HEATR4: variants seen among roughly 807,000 people sequenced by gnomAD.
HEATR4 encodes the protein HEAT repeat containing 4.
A neutral mutation model predicts 108.8 loss-of-function variants in HEATR4; 95 were observed. The ratio of observed to expected loss-of-function variants is 0.87; its 90% CI spans 0.74 to 1.04. The LOEUF (loss-of-function observed/expected upper bound fraction) is 1.04, where lower values mean the gene tolerates loss of function less well. Ranked by LOEUF, HEATR4 falls within the 50% of genes least tolerant of loss-of-function variation. HEATR4 has a pLI of 0.00. For missense variants in HEATR4, 1,152 were observed against 1,253.8 expected (o/e 0.92, Z 1.23); for synonymous variants, 443 against 459.4 (o/e 0.96, Z 0.46).
At chr14:73,571,438 A>C in the HEATR4 span, 2 of 151,724 alleles carry the variant, frequency 1.3e-5, no homozygotes, top group Non-Finnish European at 2.9e-5. Flanking sequence ...GGTGTTTTGC[A>C]TGTGCTTCAT....
At chr14:73,611,497 ACT>A in the HEATR4 span, 1 of 151,206 alleles carries the variant, frequency 6.6e-6, no homozygotes, top group Non-Finnish European at 1.5e-5. Flanking sequence ...CCTTTATAAA[ACT>A]CTCCTCAATT....
At chr14:73,570,990 T>TA in the HEATR4 span, among the ~76,000 whole-genome samples, 20 of 147,354 alleles carry the variant, frequency 1.4e-4, no homozygotes, top group African/African-American at 4.7e-4. Flanking sequence ...TTTTTTTTTT[T>TA]AAATAAGAAT....
the HEATR4 span, among the ~76,000 whole-genome samples, chr14:73,598,017 C>T: frequency 4.8e-3 from 727 of 151,648 alleles, 8 homozygotes; most frequent in African/African-American, 0.016. Flanking sequence ...AGCCACTGCA[C>T]CAGGCTTGTT....
chr14:73,586,410 A>T, the HEATR4 span, among the ~76,000 whole-genome samples: 6,355 of 123,882 alleles, frequency 0.051, 203 homozygotes, highest in South Asian at 0.1. Flanking sequence ...GAAAAAAAAA[A>T]TTTTTTTTTA....
At chr14:73,627,459 G>A in the HEATR4 span, among the ~76,000 whole-genome samples, 5 of 152,270 alleles carry the variant, frequency 3.3e-5, no homozygotes, top group Non-Finnish European at 5.9e-5. Flanking sequence ...CTGGCTTCAC[G>A]TTGGGGTTCC....
chr14:73,537,951 G>T lies in HEATR4; in HGVS notation c.-151-7707C>A, dbSNP rs113886692. On this transcript the variant is annotated intron_variant, in intron 1 of 17. Coordinates refer to ENST00000553558, the MANE Select transcript of HEATR4 (RefSeq NM_001220484.1). ...CGCTTTCCACTGTGTGTGTGTGTGTGTCCCCTTCGCCCCGCCCCGCTCTTT... is the reference window on the plus strand; with the variant it reads ...CGCTTTCCACTGTGTGTGTGTGTGTTTCCCCTTCGCCCCGCCCCGCTCTTT... 3.2e-5 allele frequency: 33 copies of T among 1,030,064 alleles called. 8 individuals are homozygous for T. The African/African-American group carries it at 3.9e-4, about 12-fold the overall frequency. 63.8% of individuals were successfully genotyped at this position (1,030,064 alleles called of 1,614,324 possible). A position where few individuals can be genotyped will look rare whatever the true frequency, so the allele number is the denominator to read the frequency against.
chr14:73,561,302 G>A (rs1889527866), upstream of HEATR4, among the ~76,000 whole-genome samples: 1 of 151,744 alleles, frequency 6.6e-6, no homozygotes, highest in African/African-American at 2.4e-5. Flanking sequence ...GGAGGCAGAG[G>A]TTGCAGTGAG....
chr14:73,521,400 T>C (rs1456290471), intron 3 of HEATR4, among the ~76,000 whole-genome samples: 2 of 152,116 alleles, frequency 1.3e-5, no homozygotes, highest in Admixed American at 6.6e-5. Flanking sequence ...TCTCACTCTG[T>C]CTATTCTGTG....
In HEATR4 at chr14:73,555,527, T is replaced by C. The variant is rs185976151; in HGVS notation, c.-152+3224A>G. ...TTGTTAAGAGGAGTTCCTCACTGGT[T>C]GAGTATGAATGGTCAAATGAAAAGA... On this transcript the variant is annotated intron_variant, in intron 1 of 17. Coordinates refer to ENST00000553558, the MANE Select transcript of HEATR4 (RefSeq NM_001220484.1). Among the ~76,000 whole-genome samples, 390 of 115,434 alleles carry C rather than the reference T, an allele frequency of 3.4e-3. 17 individuals carry two copies. Among genetic ancestry groups the C allele is most frequent in the African/African-American group, 0.01 (371 of 35,852 alleles). The allele number at this position is 115,434 out of a possible 152,430, so 75.7% of individuals were successfully genotyped here.
chr14:73,488,651 C>A (rs902479697), intron 17 of HEATR4, among the ~76,000 whole-genome samples: 3 of 151,980 alleles, frequency 2.0e-5, no homozygotes. Flanking sequence ...GCCAATTAAA[C>A]CTCTTTTCTT....
chr14:73,595,589 C>T, the HEATR4 span: 2 of 1,571,750 alleles, frequency 1.3e-6, no homozygotes, highest in Non-Finnish European at 1.7e-6. Flanking sequence ...TGCCTGGAAG[C>T]AAATTCTAGC....
intron 1 of HEATR4, chr14:73,539,904 A>G (rs1354096779): frequency 1.7e-5 from 2 of 116,082 alleles, no homozygotes; most frequent in Non-Finnish European, 3.8e-5. Context: ...GGTTTATGTA[A>G]ATTAGCATTT....
At chr14:73,612,703 G>A in the HEATR4 span, 1 of 1,395,394 alleles carries the variant, frequency 7.2e-7, no homozygotes, top group African/African-American at 1.5e-5. Context: ...AAGAGGGCGC[G>A]CTCTTCCGGG....
chr14:73,509,209 C>G, intron 8 of HEATR4, 103 bp downstream of exon 8: 2 of 1,124,796 alleles, frequency 1.8e-6, no homozygotes, highest in South Asian at 1.4e-5. Context: ...CCCAATACAG[C>G]AGACATTGCA....
chr14:73,547,718 C>T (rs1304198706), intron 1 of HEATR4, among the ~76,000 whole-genome samples: 1 of 114,058 alleles, frequency 8.8e-6, no homozygotes, highest in African/African-American at 2.9e-5. Context: ...AACTCCATCT[C>T]TACCAAAAAA....
upstream of HEATR4, among the ~76,000 whole-genome samples, chr14:73,560,059 G>A (rs368255055): frequency 3.9e-5 from 6 of 152,038 alleles, no homozygotes; most frequent in East Asian, 5.8e-4. Flanking sequence ...CTTCAATCTT[G>A]TATTTCTAAT....
the HEATR4 span, among the ~76,000 whole-genome samples, chr14:73,574,612 G>A: frequency 1.3e-5 from 2 of 152,020 alleles, no homozygotes; most frequent in Non-Finnish European, 2.9e-5. Flanking sequence ...ATGACAGTGG[G>A]AATGGGTGGC....
rs544761441 is a variant in HEATR4, at chr14:73,518,417, A to G, written c.1210+606T>C. Among the ~76,000 whole-genome samples, 8 of 152,234 alleles carry G rather than the reference A, an allele frequency of 5.3e-5. 1 individual carries two copies. The Middle Eastern group carries it at 0.027, about 518-fold the overall frequency. On this transcript the variant is annotated intron_variant, in intron 5 of 17. Transcript: ENST00000553558. ...AGACTCTGTCTCCAAAAAAAGAAAAAAAAAAAAAAGGAATGGGTGACAACT... is the reference window on the plus strand; with the variant it reads ...AGACTCTGTCTCCAAAAAAAGAAAAGAAAAAAAAAGGAATGGGTGACAACT...
the HEATR4 span, chr14:73,592,144 T>G: frequency 6.3e-7 from 1 of 1,592,096 alleles, no homozygotes; most frequent in South Asian, 1.1e-5. Flanking sequence ...GAGCTGGACC[T>G]GGAGCGCGCA....
Sources: gnomAD v4.1 joint callset for allele counts (sites outside exome capture counted in the v4.1 genomes callset) on GRCh38, gnomAD v4.1.1 for gene constraint, MANE v1.5 for transcripts, NCBI Gene and HGNC (gene_info 2026-07-23, HGNC 2026-07-21) for gene names.